The following COG6 variants were observed in gnomAD, a reference collection of about 807,000 sequenced individuals.
COG6 encodes the protein conserved oligomeric Golgi complex subunit 6.
Under a neutral mutation model 88.8 loss-of-function variants are expected in COG6, and 74 were observed. The ratio of observed to expected loss-of-function variants is 0.83; its 90% CI spans 0.69 to 1.01. The LOEUF (loss-of-function observed/expected upper bound fraction) is 1.01, where lower values mean the gene tolerates loss of function less well. COG6 is among the 50% of genes least tolerant of loss of function. The pLI is 0.00. For synonymous variants in COG6, 286 were observed against 278.7 expected (o/e 1.03, Z -0.26); for missense variants, 800 against 797.9 (o/e 1.00, Z -0.03).
At chr13:39,754,609 A>G (rs1182795454), downstream of COG6, among the ~76,000 whole-genome samples, 1 of 152,188 alleles carries the variant, frequency 6.6e-6, no homozygotes, top group East Asian at 1.9e-4. Context: ...TAGTTTAGAA[A>G]TTTGCTTGGC....
chr13:39,763,943 T>C (rs1286247394), intron 18 of COG6, among the ~76,000 whole-genome samples: 1 of 151,916 alleles, frequency 6.6e-6, no homozygotes, highest in East Asian at 1.9e-4. Flanking sequence ...AATTGGTACA[T>C]ATTCTCTCTG....
At chr13:39,740,113 A>G (rs1475722323) in intron 18 of COG6, among the ~76,000 whole-genome samples, 1 of 152,200 alleles carries the variant, frequency 6.6e-6, no homozygotes, top group Non-Finnish European at 1.5e-5. Flanking sequence ...CTGACTAAAT[A>G]GGCATACTCT....
At chr13:39,686,118 A>G (rs1876623888) in intron 8 of COG6, among the ~76,000 whole-genome samples, 1 of 152,156 alleles carries the variant, frequency 6.6e-6, no homozygotes, top group Non-Finnish European at 1.5e-5. Flanking sequence ...GTAGCCTAAG[A>G]TATTAATTAT....
chr13:39,776,604 G>A (rs546981745), intron 18 of COG6, among the ~76,000 whole-genome samples: 2 of 152,286 alleles, frequency 1.3e-5, no homozygotes, highest in African/African-American at 4.8e-5. Flanking sequence ...ATGTTCTGCA[G>A]CCCTGTTATA....
At chr13:39,659,179 A>G (rs1248331598) in intron 1 of COG6, among the ~76,000 whole-genome samples, 185 bp from the exon 2 acceptor site, 1 of 152,246 alleles carries the variant, frequency 6.6e-6, no homozygotes, top group Non-Finnish European at 1.5e-5. Flanking sequence ...ACTATACACA[A>G]GTAAGTATAC....
At chr13:39,688,600 C>T (rs1876804151) in intron 10 of COG6, among the ~76,000 whole-genome samples, 1 of 152,124 alleles carries the variant, frequency 6.6e-6, no homozygotes, top group Admixed American at 6.6e-5. Flanking sequence ...CCAAACATCT[C>T]CCACAGGCCC....
chr13:39,661,363 C>A (rs1874887441), intron 3 of COG6, among the ~76,000 whole-genome samples: 1 of 152,130 alleles, frequency 6.6e-6, no homozygotes, highest in South Asian at 2.1e-4. Flanking sequence ...ACTTAATTAA[C>A]CTCATTCATC....
chr13:39,672,385 T>C (rs1875704793), intron 4 of COG6, among the ~76,000 whole-genome samples: 1 of 152,002 alleles, frequency 6.6e-6, no homozygotes, highest in Admixed American at 6.6e-5. Context: ...ATTACAACAT[T>C]TTCACCATCC....
chr13:39,679,522 AT>A lies in COG6; in HGVS notation c.541-14del, dbSNP rs754827233. On this transcript the variant is annotated splice_polypyrimidine_tract_variant and intron_variant, in intron 5 of 18. Coordinates refer to ENST00000455146, the MANE Select transcript of COG6 (RefSeq NM_020751.3). ...GCCTGAAGCATGGACATAAAGTCACATTCTTAATTTTAAAGGATTTTTTCAA... is the reference window on the plus strand; with the variant it reads ...GCCTGAAGCATGGACATAAAGTCACATCTTAATTTTAAAGGATTTTTTCAA... The A allele has an allele frequency of 4.4e-5, 62 of 1,420,126 alleles. No homozygotes were observed. In the East Asian group the frequency reaches 1.3e-3, roughly 30 times the overall value. 88.0% of individuals were successfully genotyped at this position (1,420,126 alleles called of 1,614,324 possible).
chr13:39,785,132 G>A (rs774468426), intron 18 of COG6, among the ~76,000 whole-genome samples: 29 of 152,196 alleles, frequency 1.9e-4, no homozygotes, highest in Non-Finnish European at 3.5e-4. Flanking sequence ...ACCTTTGGAA[G>A]AAGGATACTT....
chr13:39,758,138 T>C (rs552479795), intron 18 of COG6, among the ~76,000 whole-genome samples: 64 of 148,930 alleles, frequency 4.3e-4, no homozygotes, highest in African/African-American at 1.6e-3. Context: ...GAGAATCACT[T>C]GAACCTGGGA....
At chr13:39,719,632 A>C in intron 14 of COG6, 28 bp from the exon 15 acceptor site, 1 of 1,595,342 alleles carries the variant, frequency 6.3e-7, no homozygotes, top group Non-Finnish European at 8.6e-7. Flanking sequence ...TTGAGAAATA[A>C]AGAGTTCATT....
At chr13:39,723,551 T>TTGGG (rs34125027) in intron 16 of COG6, 111 bp downstream of exon 16, 5 of 694,180 alleles carry the variant, frequency 7.2e-6, no homozygotes, top group African/African-American at 7.1e-5. Flanking sequence ...TGTGTTCTCC[T>TTGGG]GGGAAAGTGA....
chr13:39,736,913 G>A (rs1879777151), intron 18 of COG6, among the ~76,000 whole-genome samples: 1 of 152,134 alleles, frequency 6.6e-6, no homozygotes, highest in South Asian at 2.1e-4. Context: ...GCATCGAAGA[G>A]GTGGGTGTTA....
chr13:39,659,515 AACTC>A lies in COG6; in HGVS notation c.297+9_297+12del, dbSNP rs1265336180. 6.2e-7 allele frequency: 1 copy of A among 1,610,534 alleles called. No individual in the cohort carries two copies. The highest frequency in any genetic ancestry group is 1.3e-5 in the African/African-American group (1 of 74,840). On this transcript the variant is annotated intron_variant, in intron 2 of 18. Coordinates refer to ENST00000455146, the MANE Select transcript of COG6 (RefSeq NM_020751.3). ...TTCAAGGAAGTGAAGGAGGTATGTA[AACTC>A]TTTTCATTTAGCATATATTGAGAAC... is the stretch of plus-strand genomic sequence containing the variant.
At chr13:39,662,688 A>G (rs756921344) in intron 3 of COG6, among the ~76,000 whole-genome samples, 2 of 152,212 alleles carry the variant, frequency 1.3e-5, no homozygotes, top group African/African-American at 2.4e-5. Flanking sequence ...ATATTTAAAA[A>G]TATTTAATAC....
rs558915905 is a variant in COG6 at position 39,715,591 on chromosome 13, C to A, written c.1285-3645C>A. Among the ~76,000 whole-genome samples, 12 of 152,068 alleles carry A rather than the reference C, an allele frequency of 7.9e-5. No individual in the cohort carries two copies. The East Asian group carries it at 2.3e-3, about 29-fold the overall frequency. ...ATTCCACTGAAAAAAATTTGAGTAT[C>A]TTCAGTTTATATTTCTTATGTATAT... On this transcript the variant is annotated intron_variant, in intron 13 of 18. Transcript: ENST00000455146.
chr13:39,762,761 G>GT (rs199547975), intron 18 of COG6, among the ~76,000 whole-genome samples: 45,644 of 138,724 alleles, frequency 0.33, 7,786 homozygotes, highest in East Asian at 0.47. Context: ...CAAAATAAGA[G>GT]TTTTTTTTTT....
At chr13:39,671,064 G>C (rs1191680422) in intron 4 of COG6, among the ~76,000 whole-genome samples, 1 of 151,932 alleles carries the variant, frequency 6.6e-6, no homozygotes, top group East Asian at 1.9e-4. Flanking sequence ...CATAGTAGCA[G>C]CTATCCAAAA....
Sources: allele counts gnomAD v4.1 joint callset (sites outside exome capture counted in the v4.1 genomes callset), GRCh38; gene constraint gnomAD v4.1.1; transcripts MANE v1.5; gene names NCBI Gene and HGNC (gene_info 2026-07-23, HGNC 2026-07-21).